The following LOC400499 variants were observed in gnomAD, a reference collection of about 807,000 sequenced individuals.
At chr16:11,519,252 T>C in the LOC400499 span, among the ~76,000 whole-genome samples, 1 of 152,196 alleles carries the variant, frequency 6.6e-6, no homozygotes, top group African/African-American at 2.4e-5. Context: ...TTCATAGGAC[T>C]ATATAGCACC....
the LOC400499 span, chr16:11,391,613 A>AG: frequency 2.7e-4 from 324 of 1,218,284 alleles, 8 homozygotes; most frequent in East Asian, 8.7e-3. Context: ...CCCGGTGGAG[A>AG]GGGGGGACAT....
At chr16:11,391,365 C>T in the LOC400499 span, among the ~76,000 whole-genome samples, 4 of 150,726 alleles carry the variant, frequency 2.7e-5, no homozygotes, top group Non-Finnish European at 5.9e-5. Context: ...TTCACAGAAA[C>T]AAGGCTGTAT....
the LOC400499 span, among the ~76,000 whole-genome samples, chr16:11,526,375 C>T: frequency 6.6e-6 from 1 of 152,154 alleles, no homozygotes; most frequent in Non-Finnish European, 1.5e-5. Context: ...CATGGTGAAA[C>T]CCCGTCTCCA....
the LOC400499 span, among the ~76,000 whole-genome samples, chr16:11,403,813 G>A: frequency 4.6e-5 from 7 of 150,622 alleles, no homozygotes; most frequent in South Asian, 2.1e-4. Flanking sequence ...GCGCTGTGTC[G>A]GCACTCAGCT....
At chr16:11,509,354 G>T in the LOC400499 span, among the ~76,000 whole-genome samples, 1 of 149,846 alleles carries the variant, frequency 6.7e-6, no homozygotes, top group Non-Finnish European at 1.5e-5. Context: ...TCCTGACCTT[G>T]TGATCCACCC....
chr16:11,489,808 T>C, the LOC400499 span, among the ~76,000 whole-genome samples: 6 of 152,184 alleles, frequency 3.9e-5, no homozygotes, highest in East Asian at 5.8e-4. Flanking sequence ...CAGAATGTAA[T>C]TCAGCAACGT....
chr16:11,500,196 C>G, the LOC400499 span, among the ~76,000 whole-genome samples: 1 of 152,176 alleles, frequency 6.6e-6, no homozygotes, highest in Non-Finnish European at 1.5e-5. Context: ...AGAGGTACCA[C>G]TGCCATCCTC....
At chr16:11,512,675 A>G in the LOC400499 span, among the ~76,000 whole-genome samples, 1,954 of 152,306 alleles carry the variant, frequency 0.013, 43 homozygotes, top group African/African-American at 0.039. Flanking sequence ...ACTAAAAACC[A>G]CTGAAGTGTA....
the LOC400499 span, among the ~76,000 whole-genome samples, chr16:11,415,880 C>G: frequency 6.6e-6 from 1 of 152,164 alleles, no homozygotes; most frequent in African/African-American, 2.4e-5. Flanking sequence ...GGACAATTTC[C>G]CCATGTGATC....
the LOC400499 span, among the ~76,000 whole-genome samples, chr16:11,378,999 C>G: frequency 3.3e-5 from 5 of 152,186 alleles, no homozygotes; most frequent in South Asian, 8.3e-4. Flanking sequence ...TGCAGTGGCT[C>G]AGGCCTGTAA....
chr16:11,415,805 C>A, the LOC400499 span, among the ~76,000 whole-genome samples: 1 of 152,000 alleles, frequency 6.6e-6, no homozygotes, highest in African/African-American at 2.4e-5. Flanking sequence ...AGGTGGTCAT[C>A]CAGAATGGCC....
At chr16:11,373,713 G>T in the LOC400499 span, among the ~76,000 whole-genome samples, 1 of 152,046 alleles carries the variant, frequency 6.6e-6, no homozygotes, top group Non-Finnish European at 1.5e-5. Context: ...TCTACCTCCC[G>T]GGTTCAAGTG....
the LOC400499 span, chr16:11,478,727 G>A: frequency 4.8e-5 from 19 of 398,898 alleles, no homozygotes; most frequent in Non-Finnish European, 5.3e-5. Context: ...CACAGTCAGG[G>A]TTAGCAGAGT....
chr16:11,518,382 G>A, the LOC400499 span, among the ~76,000 whole-genome samples: 1 of 152,240 alleles, frequency 6.6e-6, no homozygotes, highest in East Asian at 1.9e-4. Context: ...GCCACAGGGA[G>A]AATCCCAGGC....
At chr16:11,397,025 A>G in the LOC400499 span, among the ~76,000 whole-genome samples, 1 of 152,074 alleles carries the variant, frequency 6.6e-6, no homozygotes, top group Non-Finnish European at 1.5e-5. Flanking sequence ...TCTCTGCTTC[A>G]TTCCTGCACA....
At chr16:11,385,142 C>T in the LOC400499 span, 56 of 1,230,250 alleles carry the variant, frequency 4.6e-5, no homozygotes, top group East Asian at 4.4e-4. Flanking sequence ...TCCCCCCAGG[C>T]GACCTGCCAT....
At chr16:11,506,085 G>A in the LOC400499 span, among the ~76,000 whole-genome samples, 3 of 152,116 alleles carry the variant, frequency 2.0e-5, no homozygotes, top group Non-Finnish European at 1.5e-5. Flanking sequence ...CACCCAGGCT[G>A]GAGTGCAGTG....
chr16:11,417,033 G>T, the LOC400499 span, among the ~76,000 whole-genome samples: 1 of 152,172 alleles, frequency 6.6e-6, no homozygotes, highest in African/African-American at 2.4e-5. Flanking sequence ...TGCTCAGCCA[G>T]TGCTGGCTCC....
the LOC400499 span, among the ~76,000 whole-genome samples, chr16:11,430,695 T>C: frequency 6.6e-6 from 1 of 152,180 alleles, no homozygotes; most frequent in African/African-American, 2.4e-5. Flanking sequence ...ACAAGTCTAG[T>C]GTTACGTCAA....
Sources: gnomAD v4.1 joint callset for allele counts (sites outside exome capture counted in the v4.1 genomes callset) on GRCh38, gnomAD v4.1.1 for gene constraint, MANE v1.5 for transcripts.